The following WDR27 variants were observed in gnomAD, a reference collection of about 807,000 sequenced individuals.
The protein encoded by WDR27 is WD repeat-containing protein 27.
In WDR27, 100 loss-of-function variants were observed where a neutral mutation model predicts 114.4. That is an observed-to-expected ratio of 0.87 (90% CI 0.74 to 1.03). The LOEUF (loss-of-function observed/expected upper bound fraction) is 1.03. Ranked by LOEUF, WDR27 falls within the 50% of genes least tolerant of loss-of-function variation. The pLI is 0.00. For missense variants in WDR27, 1,129 were observed against 1,092.9 expected, an observed-to-expected ratio of 1.03 and a Z score of -0.47; for synonymous variants, 449 against 423.1, an observed-to-expected ratio of 1.06 and a Z score of -0.75.
chr6:169,663,175 G>A (rs1826813977), intron 8 of WDR27, among the ~76,000 whole-genome samples: 1 of 152,156 alleles, frequency 6.6e-6, no homozygotes, highest in Non-Finnish European at 1.5e-5. Context: ...GGAAAGAGGA[G>A]ATAATCAATT....
chr6:169,598,099 G>A (rs1003496979), intron 23 of WDR27, among the ~76,000 whole-genome samples: 10 of 152,114 alleles, frequency 6.6e-5, no homozygotes, highest in East Asian at 3.9e-4. Flanking sequence ...TTAGTTTCAC[G>A]CTATTCCATC....
chr6:169,582,983 T>C, intron 23 of WDR27, 49 bp from the exon 24 acceptor site: 1 of 1,558,468 alleles, frequency 6.4e-7, no homozygotes, highest in Non-Finnish European at 8.8e-7. Context: ...GAGTCAGGAA[T>C]CACCTGTAAG....
chr6:169,591,780 G>A (rs1324218621), intron 23 of WDR27, among the ~76,000 whole-genome samples: 3 of 152,152 alleles, frequency 2.0e-5, no homozygotes, highest in African/African-American at 7.2e-5. Flanking sequence ...GCATGCCTAA[G>A]GCAGCAGCAG....
Position 169,689,029 on chromosome 6 carries a change from C to T in WDR27, c.-7-17G>A. On this transcript the variant is annotated splice_polypyrimidine_tract_variant and intron_variant, in intron 1 of 25. Coordinates refer to ENST00000448612, the MANE Select transcript of WDR27 (RefSeq NM_182552.5). Reference sequence around the variant, plus strand: ...ATCTTCAATCTGAAAACAAAAAGTACATATAAGATGACTATAGGTATCATA... The same window carrying T: ...ATCTTCAATCTGAAAACAAAAAGTATATATAAGATGACTATAGGTATCATA... The T allele has an allele frequency of 1.3e-6, 2 of 1,580,102 alleles. No homozygotes were observed. Among genetic ancestry groups the T allele is most frequent in the Admixed American group, 1.8e-5 (1 of 56,026 alleles).
At position 169,521,954 on chromosome 6, in the gene WDR27, C is replaced by A. The variant is rs181278556; in HGVS notation, c.2645+50465G>T. Among the ~76,000 whole-genome samples the A allele has an allele frequency of 8.6e-4, 130 of 151,818 alleles. 1 individual carries two copies. Among genetic ancestry groups the A allele is most frequent in the African/African-American group, 2.8e-3 (117 of 41,464 alleles). ...GGTTACAAAACAACCAGAAAACAAG[C>A]AAAAAATGGCCATTGTAAGTCTTCA... is the stretch of plus-strand genomic sequence containing the variant. On this transcript the variant is annotated intron_variant, in intron 25 of 25. Transcript: ENST00000448612.
At chr6:169,583,631 G>A (rs1207060834) in intron 23 of WDR27, among the ~76,000 whole-genome samples, 3 of 151,578 alleles carry the variant, frequency 2.0e-5, no homozygotes, top group Non-Finnish European at 4.4e-5. Context: ...ATGGAATTGA[G>A]AGATGAGATA....
intron 25 of WDR27, among the ~76,000 whole-genome samples, chr6:169,556,956 G>A (rs898039643): frequency 2.0e-5 from 3 of 152,168 alleles, no homozygotes; most frequent in African/African-American, 7.2e-5. Context: ...ATACCTTGCT[G>A]GGGAGTGTCA....
intron 4 of WDR27, chr6:169,669,909 G>A (rs1585054354): frequency 6.6e-6 from 1 of 152,048 alleles, no homozygotes; most frequent in South Asian, 2.1e-4. Context: ...CCTCGCCTAC[G>A]TTTATTAAGT....
At chr6:169,576,295 C>A (rs1407244558) in intron 24 of WDR27, among the ~76,000 whole-genome samples, 1 of 152,210 alleles carries the variant, frequency 6.6e-6, no homozygotes, top group Non-Finnish European at 1.5e-5. Flanking sequence ...CTCCACCTTG[C>A]CCCATGGCAG....
chr6:169,534,320 AT>A (rs1210566664), intron 25 of WDR27, among the ~76,000 whole-genome samples: 4 of 152,174 alleles, frequency 2.6e-5, no homozygotes, highest in Non-Finnish European at 4.4e-5. Flanking sequence ...TTGTATTTCT[AT>A]TCACAGAAAA....
chr6:169,442,677 C>T, the WDR27 span, among the ~76,000 whole-genome samples: 1 of 152,184 alleles, frequency 6.6e-6, no homozygotes, highest in Non-Finnish European at 1.5e-5. Context: ...CTGCCTTTCC[C>T]TGGCCCAGGA....
At chr6:169,578,776 C>T (rs893690076) in intron 24 of WDR27, among the ~76,000 whole-genome samples, 5 of 152,166 alleles carry the variant, frequency 3.3e-5, no homozygotes, top group East Asian at 1.9e-4. Flanking sequence ...TTATTTTATA[C>T]GGCATCATTT....
At chr6:169,605,108 C>CAAAAAAAAAAAAAAAAAAAAAA (rs59884264) in intron 22 of WDR27, among the ~76,000 whole-genome samples, 31 of 76,190 alleles carry the variant, frequency 4.1e-4, no homozygotes, top group East Asian at 1.5e-3. Flanking sequence ...AGCAATTAGG[C>CAAAAAAAAAAAAAAAAAAAAAA]AAAAAAAAAA....
chr6:169,639,526 C>T (rs1326019023), intron 17 of WDR27, among the ~76,000 whole-genome samples: 2 of 151,784 alleles, frequency 1.3e-5, no homozygotes, highest in South Asian at 4.1e-4. Flanking sequence ...TTTGTTGTGA[C>T]AGATTTGAAA....
chr6:169,451,835 A>G, the WDR27 span, among the ~76,000 whole-genome samples: 1 of 152,210 alleles, frequency 6.6e-6, no homozygotes, highest in African/African-American at 2.4e-5. Flanking sequence ...TCTTTCTTAA[A>G]GTGCCTAGTC....
chr6:169,450,081 A>G, the WDR27 span, among the ~76,000 whole-genome samples: 1 of 152,226 alleles, frequency 6.6e-6, no homozygotes, highest in Non-Finnish European at 1.5e-5. Flanking sequence ...CAATGAAATT[A>G]GAGATATGGC....
intron 25 of WDR27, among the ~76,000 whole-genome samples, chr6:169,554,364 C>G (rs1480789045): frequency 6.6e-6 from 1 of 152,204 alleles, no homozygotes; most frequent in Non-Finnish European, 1.5e-5. Context: ...AGAGGCAAGT[C>G]CTCTGACCAA....
At chr6:169,496,027 A>G (rs1790360226) in intron 25 of WDR27, among the ~76,000 whole-genome samples, 1 of 152,098 alleles carries the variant, frequency 6.6e-6, no homozygotes, top group South Asian at 2.1e-4. Flanking sequence ...ACAAAATACT[A>G]GCAAACAGAA....
chr6:169,430,156 C>G, the WDR27 span, among the ~76,000 whole-genome samples: 1 of 152,164 alleles, frequency 6.6e-6, no homozygotes, highest in South Asian at 2.1e-4. Flanking sequence ...TATGTCACGG[C>G]CCAAACTCCA....
Sources: allele counts gnomAD v4.1 joint callset (sites outside exome capture counted in the v4.1 genomes callset), GRCh38; gene constraint gnomAD v4.1.1; transcripts MANE v1.5; gene names NCBI Gene and HGNC (gene_info 2026-07-23, HGNC 2026-07-21).